The following P2RY8 variants were observed in gnomAD, a reference collection of about 807,000 sequenced individuals.
P2RY8 encodes the protein P2Y receptor family member 8.
In P2RY8, 6 loss-of-function variants were observed where a neutral mutation model predicts 10.0. The observed-to-expected ratio is 0.60, with a 90% CI of 0.33 to 1.19. The LOEUF (loss-of-function observed/expected upper bound fraction) is 1.19. P2RY8 is among the 50% of genes most tolerant of loss of function. The pLI, the probability that P2RY8 is intolerant of heterozygous loss-of-function variation, is 0.04. For synonymous variants in P2RY8, 276 were observed against 252.5 expected (o/e 1.09, Z -0.88); for missense variants, 456 against 542.0 (o/e 0.84, Z 1.58).
chrX:1,506,037 G>C (rs2092229787), intron 1 of P2RY8, among the ~76,000 whole-genome samples: 1 of 138,028 alleles, frequency 7.2e-6, no homozygotes, highest in African/African-American at 2.8e-5. Context: ...CCGTCACCCA[G>C]GCTGGAGTGC....
chrX:1,512,316 G>A (rs2092303944), intron 1 of P2RY8, among the ~76,000 whole-genome samples: 1 of 152,092 alleles, frequency 6.6e-6, no homozygotes, highest in South Asian at 2.1e-4. Flanking sequence ...GGAGGCCGAG[G>A]TGGGTGGATC....
intron 1 of P2RY8, among the ~76,000 whole-genome samples, chrX:1,526,646 T>G (rs1403164864): frequency 6.6e-6 from 1 of 151,268 alleles, no homozygotes; most frequent in Non-Finnish European, 1.5e-5. Flanking sequence ...ATTTATCCAC[T>G]CATTCATTCC....
At chrX:1,509,243 T>C (rs1259717379) in intron 1 of P2RY8, among the ~76,000 whole-genome samples, 8 of 147,564 alleles carry the variant, frequency 5.4e-5, no homozygotes, top group Non-Finnish European at 1.2e-4. Flanking sequence ...CTCTATCATC[T>C]ATGTATCTAT....
At chrX:1,525,418 T>A (rs763960512) in intron 1 of P2RY8, among the ~76,000 whole-genome samples, 9 of 152,258 alleles carry the variant, frequency 5.9e-5, no homozygotes, top group African/African-American at 2.2e-4. Context: ...GGAAGATTGC[T>A]GTGTGAAGAC....
At chrX:1,481,171 AT>A (rs112989794) in intron 1 of P2RY8, among the ~76,000 whole-genome samples, 10,716 of 148,416 alleles carry the variant, frequency 0.072, 682 homozygotes, top group African/African-American at 0.17. Flanking sequence ...CACGCAATAC[AT>A]TTTTTTTTTT....
intron 1 of P2RY8, among the ~76,000 whole-genome samples, chrX:1,481,251 C>G: frequency 6.6e-6 from 1 of 152,260 alleles, no homozygotes; most frequent in Non-Finnish European, 1.5e-5. Flanking sequence ...TCCCTGCAAC[C>G]TCCGCCTCCC....
intron 1 of P2RY8, among the ~76,000 whole-genome samples, chrX:1,480,395 T>TG (rs1218225322): frequency 7.7e-4 from 25 of 32,618 alleles, no homozygotes; most frequent in Non-Finnish European, 1.1e-3. Flanking sequence ...CTTCCCGGGT[T>TG]TTTTTTTTTT....
At chrX:1,500,020 AGCTAATTTT>A (rs2092160650) in intron 1 of P2RY8, among the ~76,000 whole-genome samples, 2 of 89,006 alleles carry the variant, frequency 2.2e-5, no homozygotes, top group Admixed American at 1.5e-4. Context: ...CACCATGCCC[AGCTAATTTT>A]TTGTATTTTT....
intron 1 of P2RY8, among the ~76,000 whole-genome samples, chrX:1,506,218 C>T (rs1382777854): frequency 6.6e-6 from 1 of 151,990 alleles, no homozygotes; most frequent in Non-Finnish European, 1.5e-5. Flanking sequence ...GTCTCGAACT[C>T]CTGACCTTAG....
chrX:1,508,337 C>T (rs1190268363), intron 1 of P2RY8, among the ~76,000 whole-genome samples: 5 of 152,098 alleles, frequency 3.3e-5, no homozygotes, highest in African/African-American at 4.8e-5. Flanking sequence ...GCTGTCATGA[C>T]GGGGTGGAGG....
chrX:1,509,785 T>TATCTATC (rs1233542173), intron 1 of P2RY8, among the ~76,000 whole-genome samples: 1 of 56,244 alleles, frequency 1.8e-5, no homozygotes, highest in African/African-American at 6.4e-5. Context: ...ATCTATCATC[T>TATCTATC]ATGTATCCAT....
intron 1 of P2RY8, among the ~76,000 whole-genome samples, chrX:1,469,757 G>GGGCGTGGT (rs1388916753): frequency 2.0e-5 from 3 of 151,876 alleles, no homozygotes; most frequent in Non-Finnish European, 4.4e-5. Context: ...AAAATTAGCC[G>GGGCGTGGT]GGCGTGGTGG....
At chrX:1,481,545 G>T (rs767439319) in intron 1 of P2RY8, among the ~76,000 whole-genome samples, 1 of 147,342 alleles carries the variant, frequency 6.8e-6, no homozygotes, top group Non-Finnish European at 1.5e-5. Context: ...GGTTTAAGGA[G>T]CCCAGCTTTG....
chrX:1,472,744 T>A (rs2091807287), intron 1 of P2RY8, among the ~76,000 whole-genome samples: 1 of 134,514 alleles, frequency 7.4e-6, no homozygotes, highest in Non-Finnish European at 1.6e-5. Flanking sequence ...GATGTGTGGA[T>A]GGATAGATCA....
intron 1 of P2RY8, among the ~76,000 whole-genome samples, chrX:1,516,795 G>C (rs1212332849): frequency 6.6e-6 from 1 of 151,132 alleles, no homozygotes; most frequent in Non-Finnish European, 1.5e-5. Context: ...ACAGAGGGGC[G>C]ACCCTGTGAG....
intron 1 of P2RY8, among the ~76,000 whole-genome samples, chrX:1,482,741 C>A (rs1355634257): frequency 1.8e-4 from 27 of 152,128 alleles, no homozygotes; most frequent in African/African-American, 6.0e-4. Context: ...GGCACATATA[C>A]ACCATGGAAT....
chrX:1,471,900 G>A (rs748510852), intron 1 of P2RY8, among the ~76,000 whole-genome samples: 13 of 152,194 alleles, frequency 8.5e-5, no homozygotes, highest in African/African-American at 3.1e-4. Flanking sequence ...GGAGTGAGAG[G>A]CCCCAGCCCT....
At chrX:1,482,304 A>G (rs759147195) in intron 1 of P2RY8, among the ~76,000 whole-genome samples, 1 of 152,002 alleles carries the variant, frequency 6.6e-6, no homozygotes, top group African/African-American at 2.4e-5. Context: ...AAAAAAAAAA[A>G]AAAAACCCAA....
intron 1 of P2RY8, among the ~76,000 whole-genome samples, chrX:1,529,563 AG>A (rs2092459660): frequency 6.6e-6 from 1 of 152,020 alleles, no homozygotes; most frequent in African/African-American, 2.4e-5. Context: ...TGCAGTGCAC[AG>A]GATAGGCTCA....
Sources: gnomAD v4.1 joint callset for allele counts (sites outside exome capture counted in the v4.1 genomes callset) on GRCh38, gnomAD v4.1.1 for gene constraint, MANE v1.5 for transcripts, NCBI Gene and HGNC (gene_info 2026-07-23, HGNC 2026-07-21) for gene names.